CATSPERE: variants seen among roughly 807,000 people sequenced by gnomAD.
The protein encoded by CATSPERE is cation channel sperm-associated auxiliary subunit epsilon.
In CATSPERE, 93 loss-of-function variants were observed where a neutral mutation model predicts 114.1. That is an observed-to-expected ratio of 0.81 (90% CI 0.69 to 0.97). The LOEUF (loss-of-function observed/expected upper bound fraction) is 0.97, where lower values mean the gene tolerates loss of function less well. Among genes scored for constraint, CATSPERE ranks in the 50% least tolerant of loss-of-function variants. CATSPERE has a pLI of 0.00. For missense variants in CATSPERE, 1,058 were observed against 1,131.6 expected, an observed-to-expected ratio of 0.93 and a Z score of 0.93; for synonymous variants, 341 against 384.1, an observed-to-expected ratio of 0.89 and a Z score of 1.31.
chr1:244,624,234 G>A (rs1015206687), intron 20 of CATSPERE, among the ~76,000 whole-genome samples: 8 of 149,980 alleles, frequency 5.3e-5, no homozygotes, highest in Non-Finnish European at 1.0e-4. Context: ...GCCTCCCAAC[G>A]TGCTGGGATT....
chr1:244,553,602 TACACACACACACACACAC>T (rs67626437), intron 9 of CATSPERE, among the ~76,000 whole-genome samples: 15 of 91,950 alleles, frequency 1.6e-4, no homozygotes, highest in Admixed American at 4.3e-4. Flanking sequence ...AAAAAAAAAA[TACACACACACACACACAC>T]ACACACACAC....
intron 8 of CATSPERE, among the ~76,000 whole-genome samples, chr1:244,547,401 A>C (rs1659924594): frequency 6.6e-6 from 1 of 152,220 alleles, no homozygotes; most frequent in South Asian, 2.1e-4. Context: ...CCAGTGGCAA[A>C]AATAAGTCAA....
chr1:244,492,411 C>T lies in CATSPERE; in HGVS notation c.351+1940C>T, dbSNP rs1342562342. Among the ~76,000 whole-genome samples, 8 of 150,838 alleles carry T rather than the reference C, an allele frequency of 5.3e-5. No individual in the cohort carries two copies. In the South Asian group the frequency reaches 1.3e-3, roughly 24 times the overall value. Reference sequence around the variant, plus strand: ...ATTCAACAACCCTTCATGCTAAAAACTCTCAATAAATTAGGTATTGATGGG... The same window carrying T: ...ATTCAACAACCCTTCATGCTAAAAATTCTCAATAAATTAGGTATTGATGGG... On this transcript the variant is annotated intron_variant, in intron 6 of 21. Coordinates refer to ENST00000366534, the MANE Select transcript of CATSPERE (RefSeq NM_001130957.2).
At chr1:244,590,898 A>ATTTTT (rs1316628840) in intron 14 of CATSPERE, among the ~76,000 whole-genome samples, 55 of 152,266 alleles carry the variant, frequency 3.6e-4, no homozygotes, top group African/African-American at 1.2e-3. Flanking sequence ...AGCTATGAAT[A>ATTTTT]TTTGTGTACA....
upstream of CATSPERE, among the ~76,000 whole-genome samples, chr1:244,457,292 TTGTAAAGGG>T (rs1429409717): frequency 2.6e-5 from 4 of 152,156 alleles, no homozygotes; most frequent in Non-Finnish European, 5.9e-5. Flanking sequence ...TGATGGAAAA[TTGTAAAGGG>T]TTCTATAAAG....
intron 6 of CATSPERE, among the ~76,000 whole-genome samples, chr1:244,490,748 T>G (rs1017299313): frequency 2.0e-5 from 3 of 152,148 alleles, no homozygotes; most frequent in African/African-American, 7.2e-5. Flanking sequence ...ATTATCCAGC[T>G]GTCTTTTATT....
At chr1:244,499,853 TATACCCACTA>T (rs1296937072) in intron 7 of CATSPERE, among the ~76,000 whole-genome samples, 1 of 152,178 alleles carries the variant, frequency 6.6e-6, no homozygotes, top group Non-Finnish European at 1.5e-5. Context: ...CTTTGGGTTA[TATACCCACTA>T]ATGGGATTGC....
chr1:244,500,190 A>T (rs1198719489), intron 7 of CATSPERE, among the ~76,000 whole-genome samples: 1 of 151,224 alleles, frequency 6.6e-6, no homozygotes, highest in East Asian at 2.0e-4. Context: ...TTTCTGATGG[A>T]GTTGTTTTTT....
chr1:244,528,785 C>CCACACACGCGCACA (rs749801424), intron 8 of CATSPERE, among the ~76,000 whole-genome samples: 62 of 130,584 alleles, frequency 4.7e-4, no homozygotes, highest in African/African-American at 1.7e-3. Context: ...CAATCCCCCA[C>CCACACACGCGCACA]CACACACACA....
chr1:244,621,709 TAA>T (rs1481396679), intron 20 of CATSPERE, among the ~76,000 whole-genome samples: 1 of 152,064 alleles, frequency 6.6e-6, no homozygotes, highest in Admixed American at 6.5e-5. Flanking sequence ...AATTTATTTA[TAA>T]GAGAGCTCTG....
At chr1:244,567,917 G>C (rs1419358010) in intron 10 of CATSPERE, among the ~76,000 whole-genome samples, 1 of 152,016 alleles carries the variant, frequency 6.6e-6, no homozygotes, top group Non-Finnish European at 1.5e-5. Context: ...GAGGGGAAGA[G>C]GCATTCTGGT....
chr1:244,524,207 T>C (rs1678124536), intron 8 of CATSPERE, among the ~76,000 whole-genome samples: 1 of 146,470 alleles, frequency 6.8e-6, no homozygotes, highest in African/African-American at 2.7e-5. Context: ...ATCTGATCTT[T>C]GACAAACCTG....
chr1:244,561,512 T>C (rs1662561591), intron 10 of CATSPERE, among the ~76,000 whole-genome samples: 1 of 152,150 alleles, frequency 6.6e-6, no homozygotes, highest in South Asian at 2.1e-4. Context: ...ACAACATAAA[T>C]GTATGACTTC....
chr1:244,478,480 A>G (rs944237575), intron 4 of CATSPERE, among the ~76,000 whole-genome samples: 6 of 152,218 alleles, frequency 3.9e-5, no homozygotes, highest in African/African-American at 1.4e-4. Flanking sequence ...TTAGTAACAA[A>G]ATACTGGCTA....
In CATSPERE at chr1:244,610,242, T is replaced by C. The variant is rs1260428233; in HGVS notation, c.2406T>C (p.Ser802=). The change falls in exon 19 of 22, where the codon AGT becomes AGC. Residue 802 remains serine (S), a splice_region_variant and synonymous_variant. Transcript: ENST00000366534. ...ATACATGTGCCATCTTTTGACAGAG[T>C]GGTTGTTTACATGAAGCACAGACAT... ...DYSFNNTMAQ[S]GCLHEAQTWK... is the part of the protein sequence containing the mutation. 1 of 1,601,382 alleles carries C rather than the reference T, an allele frequency of 6.2e-7. No homozygotes were observed. Among genetic ancestry groups the C allele is most frequent in the African/African-American group, 1.3e-5 (1 of 74,494 alleles).
In CATSPERE at chr1:244,564,451, T is replaced by G. The variant is rs150766735; in HGVS notation, c.1507+3306T>G. ...TTGAGCAGTGGTTTGTAGTTCTCCT[T>G]GAAGAGGTCCTTTACATCCCTTGTA... On this transcript the variant is annotated intron_variant, in intron 10 of 21. Coordinates refer to ENST00000366534, the MANE Select transcript of CATSPERE (RefSeq NM_001130957.2). 8.7e-3 allele frequency among the ~76,000 whole-genome samples: 1,327 copies of G among 152,314 alleles called. 21 individuals are homozygous for G. The highest frequency in any genetic ancestry group is 0.031 in the African/African-American group (1,272 of 41,558).
chr1:244,614,224 C>T (rs1671097336), intron 19 of CATSPERE, among the ~76,000 whole-genome samples: 1 of 152,238 alleles, frequency 6.6e-6, no homozygotes, highest in African/African-American at 2.4e-5. Flanking sequence ...ACAGGTCGCT[C>T]AAGCTGTGTT....
At chr1:244,595,331 G>A (rs1159000178) in intron 17 of CATSPERE, among the ~76,000 whole-genome samples, 1 of 152,162 alleles carries the variant, frequency 6.6e-6, no homozygotes, top group Admixed American at 6.5e-5. Context: ...AGAGAGCGAG[G>A]CTCTGGGAAA....
At chr1:244,574,659 C>T (rs1395389242) in intron 11 of CATSPERE, among the ~76,000 whole-genome samples, 1 of 152,016 alleles carries the variant, frequency 6.6e-6, no homozygotes, top group African/African-American at 2.4e-5. Flanking sequence ...ACAAATACTG[C>T]TCTAATTATT....
Sources: allele counts gnomAD v4.1 joint callset (sites outside exome capture counted in the v4.1 genomes callset), GRCh38; gene constraint gnomAD v4.1.1; transcripts MANE v1.5; gene names NCBI Gene and HGNC (gene_info 2026-07-23, HGNC 2026-07-21).